The following ZNF469 variants were observed in gnomAD, a reference collection of about 807,000 sequenced individuals.
ZNF469 encodes zinc finger protein 469.
A neutral mutation model predicts 1.0 loss-of-function variants in ZNF469; 1 was observed. The ratio of observed to expected loss-of-function variants is 1.00; its 90% CI spans 0.35 to 4.73. ZNF469 has a LOEUF of 4.73. Among genes scored for constraint, ZNF469 ranks in the 30% most tolerant of loss-of-function variants. The probability of loss-of-function intolerance (pLI) is 0.16; values close to 1 mark genes in which losing one functional copy is unlikely to be tolerated. For synonymous variants in ZNF469, 2,703 were observed against 2,363.4 expected (o/e 1.14, Z -4.17); for missense variants, 6,100 against 5,356.3 (o/e 1.14, Z -4.33).
chr16:88,382,362 C>G, upstream of ZNF469, among the ~76,000 whole-genome samples: 1 of 152,238 alleles, frequency 6.6e-6, no homozygotes, highest in Non-Finnish European at 1.5e-5. Context: ...CTCTAGGGGC[C>G]TGGATGGCTC....
intron 1 of ZNF469, among the ~76,000 whole-genome samples, chr16:88,387,554 G>A (rs1257500716): frequency 6.6e-6 from 1 of 152,244 alleles, no homozygotes; most frequent in Non-Finnish European, 1.5e-5. Context: ...GTGACCCGGC[G>A]TCAAACGGTA....
chr16:88,309,991 G>A, the ZNF469 span, among the ~76,000 whole-genome samples: 31,564 of 152,082 alleles, frequency 0.21, 3,718 homozygotes, highest in Non-Finnish European at 0.27. Flanking sequence ...TGACCCACCC[G>A]TGTTGTAAAA....
upstream of ZNF469, among the ~76,000 whole-genome samples, chr16:88,381,104 A>G (rs1655360045): frequency 7.0e-6 from 1 of 142,156 alleles, no homozygotes; most frequent in African/African-American, 2.8e-5. Flanking sequence ...ACACCCGGAC[A>G]TGCACTCGCA....
At chr16:88,170,848 C>A in the ZNF469 span, among the ~76,000 whole-genome samples, 3 of 152,134 alleles carry the variant, frequency 2.0e-5, no homozygotes, top group African/African-American at 7.2e-5. This position sits in a 1 kb window ranked among gnomAD's most constrained non-coding sequence, Gnocchi z 4.2. Flanking sequence ...ATACTTTCCT[C>A]CCCGGAAGCT....
the ZNF469 span, among the ~76,000 whole-genome samples, chr16:88,283,699 G>C: frequency 6.6e-6 from 1 of 152,222 alleles, no homozygotes; most frequent in East Asian, 1.9e-4. Flanking sequence ...TCTTAGGGCT[G>C]GCCACTTTCC....
the ZNF469 span, among the ~76,000 whole-genome samples, chr16:88,331,608 CCAT>C: frequency 7.1e-4 from 107 of 151,472 alleles, 1 homozygote; most frequent in African/African-American, 1.8e-3. Flanking sequence ...ATCATCACCA[CCAT>C]CATCATCATC....
At chr16:88,138,610 G>T in the ZNF469 span, among the ~76,000 whole-genome samples, 18 of 152,198 alleles carry the variant, frequency 1.2e-4, no homozygotes, top group Non-Finnish European at 2.6e-4. Context: ...ATGAAAGGTT[G>T]GTTCTGCAAA....
At chr16:88,129,190 C>G in the ZNF469 span, among the ~76,000 whole-genome samples, 425 of 152,350 alleles carry the variant, frequency 2.8e-3, no homozygotes, top group Middle Eastern at 0.017. Flanking sequence ...AGGTGAGCTC[C>G]CCAGCCCTGC....
the ZNF469 span, among the ~76,000 whole-genome samples, chr16:88,229,784 T>C: frequency 1.2e-4 from 19 of 152,096 alleles, no homozygotes; most frequent in African/African-American, 4.6e-4. Flanking sequence ...CCCACAACAA[T>C]GGTGCCTCTG....
chr16:88,378,240 C>A (rs1001449635), upstream of ZNF469, among the ~76,000 whole-genome samples: 6 of 152,136 alleles, frequency 3.9e-5, no homozygotes, highest in African/African-American at 1.4e-4. Flanking sequence ...ACACGGCGGG[C>A]AGGGAGCAGG....
At chr16:88,170,937 C>T in the ZNF469 span, among the ~76,000 whole-genome samples, 1 of 152,148 alleles carries the variant, frequency 6.6e-6, no homozygotes, top group South Asian at 2.1e-4. The surrounding 1 kb of genome is among the most constrained non-coding windows in gnomAD (Gnocchi z 4.2). Context: ...CAGCAGACTT[C>T]CCCGGGCTGC....
chr16:88,259,338 G>A, the ZNF469 span, among the ~76,000 whole-genome samples: 1 of 151,074 alleles, frequency 6.6e-6, no homozygotes, highest in Non-Finnish European at 1.5e-5. This position sits in a 1 kb window ranked among gnomAD's most constrained non-coding sequence, Gnocchi z 4.1. Context: ...CGCATCCCGC[G>A]CCCCCATCCC....
chr16:88,257,805 C>A, the ZNF469 span, among the ~76,000 whole-genome samples: 2 of 152,308 alleles, frequency 1.3e-5, no homozygotes, highest in Non-Finnish European at 2.9e-5. Context: ...GAACCCCAGA[C>A]CATGCTTCTA....
chr16:88,316,543 G>GTTTT, the ZNF469 span, among the ~76,000 whole-genome samples: 1 of 63,062 alleles, frequency 1.6e-5, no homozygotes, highest in Non-Finnish European at 2.8e-5. Context: ...TATAGGTGCT[G>GTTTT]TCTTTTTTTT....
the ZNF469 span, among the ~76,000 whole-genome samples, chr16:88,233,277 C>T: frequency 6.6e-6 from 1 of 152,210 alleles, no homozygotes; most frequent in Admixed American, 6.5e-5. Flanking sequence ...GTTTCTGCTT[C>T]TGTTTTCATT....
At chr16:88,141,398 C>G in the ZNF469 span, among the ~76,000 whole-genome samples, 2 of 144,524 alleles carry the variant, frequency 1.4e-5, no homozygotes, top group Non-Finnish European at 3.0e-5. Context: ...CCGGAGCCTG[C>G]TATGAAATGC....
chr16:88,284,361 C>G, the ZNF469 span, among the ~76,000 whole-genome samples: 1 of 152,156 alleles, frequency 6.6e-6, no homozygotes, highest in East Asian at 1.9e-4. Flanking sequence ...ATGGTCTCTT[C>G]GACCGAGGGA....
Position 88,427,956 on chromosome 16 carries a change from C to T in ZNF469, c.486C>T (p.Leu162=). The T allele has an allele frequency of 6.5e-7, 1 of 1,549,970 alleles. No individual in the cohort carries two copies. Among genetic ancestry groups the T allele is most frequent in the Non-Finnish European group, 8.7e-7 (1 of 1,146,882 alleles). ...TPQGPGTGAP[L]RPGLPRTEAQ... is the part of the protein sequence containing the mutation. ...AGGGCCCTGGGACTGGAGCTCCACT[C>T]AGGCCGGGCCTCCCAAGGACTGAGG... Residue 162 remains leucine, a synonymous_variant, in exon 3 of 3, where the codon CTC becomes CTT. Transcript: ENST00000565624.
the ZNF469 span, among the ~76,000 whole-genome samples, chr16:88,125,758 T>C: frequency 6.6e-6 from 1 of 152,008 alleles, no homozygotes; most frequent in Non-Finnish European, 1.5e-5. Flanking sequence ...TTGCAAATGA[T>C]ATTTTATTTT....
Sources: allele counts gnomAD v4.1 joint callset (sites outside exome capture counted in the v4.1 genomes callset), GRCh38; gene constraint gnomAD v4.1.1; non-coding constraint Gnocchi (gnomAD v3.1); transcripts MANE v1.5; gene names NCBI Gene and HGNC (gene_info 2026-07-23, HGNC 2026-07-21).